The following NRXN3 variants were observed in gnomAD, a reference collection of about 807,000 sequenced individuals.
NRXN3 encodes the protein neurexin III.
NRXN3 carries 32 observed loss-of-function variants against 137.6 expected under a neutral mutation model. The ratio of observed to expected loss-of-function variants is 0.23; its 90% CI spans 0.18 to 0.31. NRXN3 has a LOEUF of 0.31. Ranked by LOEUF, NRXN3 falls within the 10% of genes least tolerant of loss-of-function variation. NRXN3 has a pLI of 1.00. For synonymous variants in NRXN3, 798 were observed against 784.5 expected, an observed-to-expected ratio of 1.02 and a Z score of -0.29; for missense variants, 1,574 against 2,062.5, an observed-to-expected ratio of 0.76 and a Z score of 4.59.
At chr14:78,410,519 T>C (rs554414209) in intron 4 of NRXN3, among the ~76,000 whole-genome samples, 12 of 152,332 alleles carry the variant, frequency 7.9e-5, no homozygotes, top group African/African-American at 2.2e-4. Flanking sequence ...TCTTAACTCC[T>C]GAGCCAGGGT....
chr14:78,852,524 A>G (rs569743838), intron 10 of NRXN3, among the ~76,000 whole-genome samples: 19 of 152,112 alleles, frequency 1.2e-4, no homozygotes, highest in Non-Finnish European at 2.6e-4. Context: ...TTCTGAATCA[A>G]CCTACTTTCT....
At chr14:78,606,164 G>T (rs879259051) in intron 4 of NRXN3, among the ~76,000 whole-genome samples, 6 of 152,124 alleles carry the variant, frequency 3.9e-5, no homozygotes, top group Admixed American at 3.9e-4. Flanking sequence ...TCCCCTTATG[G>T]CAATAACCAC....
intron 10 of NRXN3, among the ~76,000 whole-genome samples, chr14:78,886,751 A>G (rs917248211): frequency 1.3e-5 from 2 of 152,190 alleles, no homozygotes; most frequent in Non-Finnish European, 2.9e-5. Context: ...CCACTTCAGG[A>G]AGTTTAATAT....
intron 4 of NRXN3, among the ~76,000 whole-genome samples, chr14:78,466,189 A>AAAC (rs1376381897): frequency 2.6e-5 from 4 of 152,174 alleles, no homozygotes; most frequent in Admixed American, 2.6e-4. Context: ...ACAAACAGAC[A>AAAC]AACAACAACA....
rs147212657 is a variant in NRXN3, at chr14:78,706,035, C to CT, written c.1222-3174dup. ...ACTGCTCTTGTATCTTGTTAAAAGG[C>CT]TTTTTTTTCCCTCCTTTTTATTCTG... is the stretch of plus-strand genomic sequence containing the variant. On this transcript the variant is annotated intron_variant, in intron 6 of 20. Transcript: ENST00000335750. Among the ~76,000 whole-genome samples, 4 of 152,136 alleles carry CT rather than the reference C, an allele frequency of 2.6e-5. No homozygotes were observed. The East Asian group carries it at 5.8e-4, about 22-fold the overall frequency.
chr14:78,438,628 G>A (rs1270818332), intron 4 of NRXN3, among the ~76,000 whole-genome samples: 2 of 152,148 alleles, frequency 1.3e-5, no homozygotes, highest in African/African-American at 2.4e-5. Flanking sequence ...GCACCTCGGG[G>A]TCTAAGCCTA....
chr14:78,409,494 T>G (rs1169304070), intron 4 of NRXN3, among the ~76,000 whole-genome samples: 3 of 152,218 alleles, frequency 2.0e-5, no homozygotes, highest in Non-Finnish European at 2.9e-5. Flanking sequence ...CCCTTTGCCC[T>G]TCCTTTGCAT....
intron 16 of NRXN3, among the ~76,000 whole-genome samples, chr14:79,475,736 C>G (rs1037169471): frequency 5.3e-5 from 8 of 151,998 alleles, no homozygotes; most frequent in Non-Finnish European, 1.0e-4. Context: ...AACTCAAAAA[C>G]TTGTTATATT....
intron 4 of NRXN3, among the ~76,000 whole-genome samples, chr14:78,406,135 CT>C (rs2092468289): frequency 1.3e-5 from 2 of 152,154 alleles, no homozygotes; most frequent in South Asian, 4.1e-4. Context: ...TGAGAGATGG[CT>C]CCCATGGAGA....
At chr14:79,816,344 G>A (rs1354155378) in intron 20 of NRXN3, among the ~76,000 whole-genome samples, 1 of 152,184 alleles carries the variant, frequency 6.6e-6, no homozygotes, top group Non-Finnish European at 1.5e-5. Context: ...CATGACTCGG[G>A]TTTCCCTATT....
At chr14:79,033,502 G>A (rs2099611093) in intron 15 of NRXN3, among the ~76,000 whole-genome samples, 1 of 152,062 alleles carries the variant, frequency 6.6e-6, no homozygotes, top group Non-Finnish European at 1.5e-5. Flanking sequence ...TCTTCCAGAT[G>A]TTCATAGGTA....
chr14:78,402,163 G>A (rs573280049), intron 4 of NRXN3, among the ~76,000 whole-genome samples: 116 of 152,222 alleles, frequency 7.6e-4, no homozygotes, highest in African/African-American at 2.7e-3. Flanking sequence ...GAGGAAAATG[G>A]TACTTTCTAT....
intron 19 of NRXN3, among the ~76,000 whole-genome samples, chr14:79,754,541 T>C (rs1265810918): frequency 1.4e-4 from 13 of 95,960 alleles, no homozygotes; most frequent in South Asian, 3.5e-4. Flanking sequence ...TATATATATA[T>C]ATATATATAT....
chr14:78,246,776 G>A (rs1425149658), intron 2 of NRXN3, among the ~76,000 whole-genome samples: 2 of 151,944 alleles, frequency 1.3e-5, no homozygotes, highest in African/African-American at 4.9e-5. Context: ...GTGTCAAATA[G>A]ATCTACACAA....
At chr14:79,460,259 A>T (rs11848998) in intron 15 of NRXN3, among the ~76,000 whole-genome samples, 13,830 of 152,148 alleles carry the variant, frequency 0.091, 1,826 homozygotes, top group African/African-American at 0.29. Context: ...CTTGAAAAAT[A>T]CATAATGTTC....
intron 19 of NRXN3, among the ~76,000 whole-genome samples, chr14:79,721,466 G>T (rs1568007839): frequency 6.6e-6 from 1 of 152,092 alleles, no homozygotes; most frequent in African/African-American, 2.4e-5. Context: ...TGAATAAGTA[G>T]AATTACTAAC....
chr14:78,508,890 C>T (rs979972659), intron 4 of NRXN3, among the ~76,000 whole-genome samples: 3 of 152,102 alleles, frequency 2.0e-5, no homozygotes, highest in African/African-American at 4.8e-5. Context: ...TAATCAACTA[C>T]GAGGTTGTCA....
chr14:79,779,522 T>C (rs2099107374), intron 19 of NRXN3, among the ~76,000 whole-genome samples: 1 of 152,222 alleles, frequency 6.6e-6, no homozygotes, highest in Admixed American at 6.5e-5. Context: ...GGTTCATTTG[T>C]CTGGACTTTG....
At chr14:78,194,163 C>G (rs1314114695) in intron 1 of NRXN3, among the ~76,000 whole-genome samples, 1 of 152,224 alleles carries the variant, frequency 6.6e-6, no homozygotes, top group African/African-American at 2.4e-5. Flanking sequence ...GTGGGCTGAG[C>G]ACAATCATGA....
Sources: gnomAD v4.1 joint callset for allele counts (sites outside exome capture counted in the v4.1 genomes callset) on GRCh38, gnomAD v4.1.1 for gene constraint, MANE v1.5 for transcripts, NCBI Gene and HGNC (gene_info 2026-07-23, HGNC 2026-07-21) for gene names.